CRYBG1: variants seen among roughly 807,000 people sequenced by gnomAD.
CRYBG1 encodes beta/gamma crystallin domain-containing protein 1.
Under a neutral mutation model 189.2 loss-of-function variants are expected in CRYBG1, and 139 were observed. The observed-to-expected ratio is 0.73, with a 90% CI of 0.64 to 0.85. The LOEUF is 0.85. CRYBG1 is among the 40% of genes least tolerant of loss of function. The pLI is 0.00. For synonymous variants in CRYBG1, 1,023 were observed against 1,017.1 expected, an observed-to-expected ratio of 1.01 and a Z score of -0.11; for missense variants, 2,611 against 2,675.8, an observed-to-expected ratio of 0.98 and a Z score of 0.53.
At chr6:106,566,460 C>G (rs1297643119) in intron 21 of CRYBG1, among the ~76,000 whole-genome samples, 1 of 118,652 alleles carries the variant, frequency 8.4e-6, no homozygotes, top group East Asian at 2.6e-4. Context: ...GTAGCAACAA[C>G]AGTCTTTTTT....
At chr6:106,371,499 GT>G (rs1471603761) in intron 1 of CRYBG1, among the ~76,000 whole-genome samples, 2 of 152,318 alleles carry the variant, frequency 1.3e-5, no homozygotes, top group East Asian at 1.9e-4. Flanking sequence ...GAACTAAGTG[GT>G]TGTTATTATC....
intron 2 of CRYBG1, among the ~76,000 whole-genome samples, chr6:106,475,510 G>A (rs1416264245): frequency 6.6e-6 from 1 of 152,172 alleles, no homozygotes; most frequent in Non-Finnish European, 1.5e-5. Context: ...ATTTGGGAAG[G>A]AAAAGTCATG....
At chr6:106,497,973 C>T (rs966572304) in intron 2 of CRYBG1, among the ~76,000 whole-genome samples, 2 of 152,010 alleles carry the variant, frequency 1.3e-5, no homozygotes, top group Admixed American at 1.3e-4. Flanking sequence ...TGGTGGCGCA[C>T]GCCTGTAGTC....
In CRYBG1 at chr6:106,478,249, G is replaced by C. The variant is rs143377864; in HGVS notation, c.312+26417G>C. Among the ~76,000 whole-genome samples the C allele has an allele frequency of 4.6e-5, 7 of 152,324 alleles. 1 individual carries two copies. The highest frequency in any genetic ancestry group is 1.7e-4 in the African/African-American group (7 of 41,582). On this transcript the variant is annotated intron_variant, in intron 2 of 21. Coordinates refer to ENST00000633556, the MANE Select transcript of CRYBG1 (RefSeq NM_001371242.2). ...AAATTAAAAAGAAAATAATGAGTGT[G>C]TATGTATTATCCTTTTGTTTGAAGA...
intron 8 of CRYBG1, among the ~76,000 whole-genome samples, chr6:106,531,745 C>T (rs1001269970): frequency 7.2e-5 from 11 of 152,088 alleles, no homozygotes; most frequent in Admixed American, 5.2e-4. Flanking sequence ...AAAGTGAGCA[C>T]CCAAGTAGAC....
At chr6:106,401,202 A>G (rs1460160642) in intron 1 of CRYBG1, among the ~76,000 whole-genome samples, 61 of 152,192 alleles carry the variant, frequency 4.0e-4, no homozygotes, top group Non-Finnish European at 1.3e-4. Flanking sequence ...CAGAGCAAAT[A>G]ATAGAGTTGG....
intron 15 of CRYBG1, 21 bp downstream of exon 15, chr6:106,552,237 T>A: frequency 6.9e-7 from 1 of 1,456,700 alleles, no homozygotes; most frequent in Non-Finnish European, 9.3e-7. Context: ...AAATATTCTT[T>A]TATATTAATA....
At chr6:106,424,692 C>T (rs550567346) in intron 1 of CRYBG1, among the ~76,000 whole-genome samples, 69 of 152,162 alleles carry the variant, frequency 4.5e-4, no homozygotes, top group African/African-American at 1.6e-3. Flanking sequence ...AAACTCCTGA[C>T]CTCAGGCGAT....
intron 2 of CRYBG1, among the ~76,000 whole-genome samples, chr6:106,460,437 G>A (rs192013350): frequency 1.5e-4 from 23 of 152,248 alleles, no homozygotes; most frequent in Middle Eastern, 3.4e-3. Flanking sequence ...ATTCAGAGCT[G>A]ATCAAAATTA....
intron 21 of CRYBG1, among the ~76,000 whole-genome samples, chr6:106,565,320 C>A (rs374714133): frequency 2.0e-4 from 29 of 148,068 alleles, no homozygotes; most frequent in African/African-American, 2.5e-4. Context: ...GACTTCGTCT[C>A]AAAAAAAAAA....
intron 8 of CRYBG1, among the ~76,000 whole-genome samples, chr6:106,536,751 A>G (rs1774012729): frequency 6.6e-6 from 1 of 152,258 alleles, no homozygotes; most frequent in African/African-American, 2.4e-5. Flanking sequence ...TTTGTTAAGT[A>G]CGACAATAAA....
chr6:106,451,725 G>A lies in CRYBG1; in HGVS notation c.205G>A (p.Val69Ile). The A allele has an allele frequency of 6.5e-7, 1 of 1,534,438 alleles. No individual in the cohort carries two copies. The highest frequency in any genetic ancestry group is 8.7e-7 in the Non-Finnish European group (1 of 1,146,236). ...GGATGTAGTCGATGGAAAATATGTG[G>A]TTCGAGACTCCCAGGAATTTCCACT... Reference protein sequence around the residue: ...ALDVVDGKYVVRDSQEFPLHC... With the variant: ...ALDVVDGKYVIRDSQEFPLHC... The change falls in exon 2 of 22, where the codon GTT (valine) becomes ATT (isoleucine). Residue 69 changes from valine (V) to isoleucine (I), a missense_variant. Transcript: ENST00000633556.
At chr6:106,518,289 A>T (rs1339118153) in intron 3 of CRYBG1, among the ~76,000 whole-genome samples, 1 of 152,254 alleles carries the variant, frequency 6.6e-6, no homozygotes, top group Non-Finnish European at 1.5e-5. Context: ...ACACACTTAT[A>T]ATCAGAGAAA....
chr6:106,403,787 G>A (rs1770767776), intron 1 of CRYBG1, among the ~76,000 whole-genome samples: 1 of 152,158 alleles, frequency 6.6e-6, no homozygotes, highest in South Asian at 2.1e-4. Flanking sequence ...ATGAGGAATG[G>A]ATACCCTAAT....
Position 106,511,711 on chromosome 6 carries a change from C to A in CRYBG1, c.594C>A (p.Pro198=). The part of the protein sequence containing the change: ...ENPREAEGEL[P]ESGGPAAPPD... Reference sequence around the variant, plus strand: ...CCCGAGAGGCAGAGGGCGAGCTCCCCGAGAGCGGTGGCCCCGCAGCCCCCC... The same window carrying A: ...CCCGAGAGGCAGAGGGCGAGCTCCCAGAGAGCGGTGGCCCCGCAGCCCCCC... Residue 198 remains proline (P), a synonymous_variant, in exon 3 of 22, where the codon CCC becomes CCA. Transcript: ENST00000633556. 1 of 1,535,480 alleles carries A rather than the reference C, an allele frequency of 6.5e-7. No homozygotes were observed. Among genetic ancestry groups the A allele is most frequent in the South Asian group, 1.2e-5 (1 of 84,020 alleles).
Position 106,428,869 on chromosome 6 carries a change from A to G in CRYBG1, c.174-22825A>G, listed in dbSNP as rs145572529. On this transcript the variant is annotated intron_variant, in intron 1 of 21. Transcript: ENST00000633556. ...AGAGGCTGTGAAGGAGCTTTGTGGC[A>G]GTAAGAGATCAGGTGTTCTCAGTTG... is the stretch of plus-strand genomic sequence containing the variant. Among the ~76,000 whole-genome samples, 213 of 152,352 alleles carry G rather than the reference A, an allele frequency of 1.4e-3. 2 individuals are homozygous for G. The highest frequency in any genetic ancestry group is 4.7e-3 in the African/African-American group (197 of 41,580).
chr6:106,380,022 T>C (rs1770256469), intron 1 of CRYBG1, among the ~76,000 whole-genome samples: 1 of 152,228 alleles, frequency 6.6e-6, no homozygotes, highest in East Asian at 1.9e-4. Context: ...TCACTTACTT[T>C]GTGCTCTTTT....
intron 1 of CRYBG1, among the ~76,000 whole-genome samples, chr6:106,436,092 G>A (rs1400231092): frequency 6.6e-6 from 1 of 152,084 alleles, no homozygotes; most frequent in Admixed American, 6.6e-5. Flanking sequence ...CTTTATTTAA[G>A]CTTCCCTGAG....
chr6:106,375,587 A>G (rs914139786), intron 1 of CRYBG1, among the ~76,000 whole-genome samples: 11 of 152,176 alleles, frequency 7.2e-5, no homozygotes, highest in African/African-American at 2.2e-4. Context: ...GTACCACTTT[A>G]TCTTCCTTAA....
Sources: gnomAD v4.1 joint callset for allele counts (sites outside exome capture counted in the v4.1 genomes callset) on GRCh38, gnomAD v4.1.1 for gene constraint, MANE v1.5 for transcripts, NCBI Gene and HGNC (gene_info 2026-07-23, HGNC 2026-07-21) for gene names.